The following MIS18A variants were observed in gnomAD, a reference collection of about 807,000 sequenced individuals.
MIS18A encodes the protein MIS18 kinetochore protein A.
MIS18A carries 14 observed loss-of-function variants against 25.0 expected under a neutral mutation model. That is an observed-to-expected ratio of 0.56 (90% CI 0.37 to 0.88). The LOEUF (loss-of-function observed/expected upper bound fraction) is 0.88, where lower values mean the gene tolerates loss of function less well. MIS18A is among the 40% of genes least tolerant of loss of function. MIS18A has a pLI of 0.00. For synonymous variants in MIS18A, 134 were observed against 118.6 expected, an observed-to-expected ratio of 1.13 and a Z score of -0.84; for missense variants, 292 against 290.8, an observed-to-expected ratio of 1.00 and a Z score of -0.03.
the MIS18A span, among the ~76,000 whole-genome samples, chr21:32,196,319 C>A: frequency 2.0e-5 from 3 of 152,202 alleles, no homozygotes; most frequent in African/African-American, 7.2e-5. Flanking sequence ...AGTCTTTAGA[C>A]TGAAACTCAG....
At chr21:32,214,915 G>GTT in the MIS18A span, among the ~76,000 whole-genome samples, 1 of 152,224 alleles carries the variant, frequency 6.6e-6, no homozygotes, top group African/African-American at 2.4e-5. Context: ...TAAGTCCAGT[G>GTT]TGAGTCAAGA....
At chr21:32,244,650 C>A in the MIS18A span, among the ~76,000 whole-genome samples, 1 of 152,014 alleles carries the variant, frequency 6.6e-6, no homozygotes, top group Admixed American at 6.6e-5. Flanking sequence ...GGTGGGAGGA[C>A]TGCTTGAGCC....
At chr21:32,207,862 A>C in the MIS18A span, among the ~76,000 whole-genome samples, 2 of 152,198 alleles carry the variant, frequency 1.3e-5, no homozygotes, top group Non-Finnish European at 2.9e-5. Context: ...CCCGGGGTCT[A>C]CTTCATGGGC....
the MIS18A span, among the ~76,000 whole-genome samples, chr21:32,256,551 T>C: frequency 1.3e-5 from 2 of 152,182 alleles, no homozygotes; most frequent in Non-Finnish European, 2.9e-5. Context: ...ACTTAATTAT[T>C]AGACATTCCC....
the MIS18A span, among the ~76,000 whole-genome samples, chr21:32,165,688 G>A: frequency 2.1e-4 from 32 of 152,072 alleles, no homozygotes; most frequent in Non-Finnish European, 4.3e-4. Context: ...AAAGATGACT[G>A]AGTGGGGGCA....
the MIS18A span, among the ~76,000 whole-genome samples, chr21:32,241,813 G>C: frequency 0.19 from 28,979 of 152,184 alleles, 2,980 homozygotes; most frequent in Admixed American, 0.23. Context: ...TCCCACAGAA[G>C]ACTCAAAGAA....
downstream of MIS18A, among the ~76,000 whole-genome samples, chr21:32,266,569 G>A (rs957452987): frequency 2.6e-5 from 4 of 151,940 alleles, no homozygotes; most frequent in South Asian, 2.1e-4. Flanking sequence ...CTAGCCCACC[G>A]GGAGGAACGA....
the MIS18A span, among the ~76,000 whole-genome samples, chr21:32,186,486 G>A: frequency 6.6e-6 from 1 of 152,246 alleles, no homozygotes; most frequent in South Asian, 2.1e-4. Flanking sequence ...TTAGTTAACA[G>A]TGGGAACGAT....
At chr21:32,245,915 CT>C in the MIS18A span, among the ~76,000 whole-genome samples, 4 of 152,126 alleles carry the variant, frequency 2.6e-5, no homozygotes, top group Non-Finnish European at 4.4e-5. Context: ...GTTTAATTGG[CT>C]CACGGTTCTG....
chr21:32,238,047 T>C, the MIS18A span, among the ~76,000 whole-genome samples: 1 of 152,152 alleles, frequency 6.6e-6, no homozygotes, highest in Admixed American at 6.5e-5. Flanking sequence ...ACCATATCTA[T>C]ATAATATGTC....
chr21:32,178,739 C>A, the MIS18A span, among the ~76,000 whole-genome samples: 1 of 152,134 alleles, frequency 6.6e-6, no homozygotes, highest in African/African-American at 2.4e-5. Flanking sequence ...TCTATTAATT[C>A]ATATCTTTCA....
the MIS18A span, among the ~76,000 whole-genome samples, chr21:32,200,538 A>G: frequency 6.7e-6 from 1 of 149,416 alleles, no homozygotes; most frequent in African/African-American, 2.5e-5. Context: ...GGTTCATGCC[A>G]TTCTCCTGCC....
chr21:32,203,089 T>A, the MIS18A span, among the ~76,000 whole-genome samples: 1 of 151,672 alleles, frequency 6.6e-6, no homozygotes, highest in Admixed American at 6.6e-5. Context: ...TAATAGAAAA[T>A]TTTAAAAGTA....
chr21:32,233,678 A>G, the MIS18A span, among the ~76,000 whole-genome samples: 3 of 152,194 alleles, frequency 2.0e-5, no homozygotes, highest in African/African-American at 4.8e-5. Context: ...AATTCGTTTC[A>G]TCTTATCTTG....
chr21:32,156,629 T>C, the MIS18A span: 2 of 152,234 alleles, frequency 1.3e-5, no homozygotes, highest in Non-Finnish European at 2.9e-5. Context: ...TATAATTCTA[T>C]TAACCTATAT....
At chr21:32,278,316 G>A (rs761186256) in intron 1 of MIS18A, 4 of 243,826 alleles carry the variant, frequency 1.6e-5, no homozygotes, top group Non-Finnish European at 3.1e-5. Flanking sequence ...TCTATGGGGA[G>A]TAATAGTACT....
At chr21:32,206,630 C>CA in the MIS18A span, among the ~76,000 whole-genome samples, 1 of 152,060 alleles carries the variant, frequency 6.6e-6, no homozygotes, top group Non-Finnish European at 1.5e-5. Context: ...ACTGATTTAA[C>CA]AAAAAATGAT....
Position 32,270,439 on chromosome 21 carries a change from G to A in MIS18A, c.492C>T (p.Asp164=). ...TGGCTTCAACACTGAGGCAAAACAA[G>A]TCTCTCTTGTAATCAAGATTCTTGG... The part of the protein sequence containing the change: ...CTPKNLDYKR[D]LFCLSVEAIE... The change falls in exon 3 of 5, where the codon GAC becomes GAT. Residue 164 remains aspartate, a synonymous_variant. Coordinates refer to ENST00000290130, the MANE Select transcript of MIS18A (RefSeq NM_018944.3). 6.2e-7 allele frequency: 1 copy of A among 1,613,804 alleles called. No homozygotes were observed. Among genetic ancestry groups the A allele is most frequent in the Non-Finnish European group, 8.5e-7 (1 of 1,179,882 alleles).
the MIS18A span, among the ~76,000 whole-genome samples, chr21:32,175,068 A>G: frequency 6.6e-6 from 1 of 152,170 alleles, no homozygotes. Context: ...AGATAGTATA[A>G]CCTACTACAC....
Sources: allele counts gnomAD v4.1 joint callset (sites outside exome capture counted in the v4.1 genomes callset), GRCh38; gene constraint gnomAD v4.1.1; transcripts MANE v1.5; gene names NCBI Gene and HGNC (gene_info 2026-07-23, HGNC 2026-07-21).